Variants in CUX2 observed in about 807,000 individuals in gnomAD.
The protein encoded by CUX2 is homeobox protein cut-like 2.
In CUX2, 40 loss-of-function variants were observed where a neutral mutation model predicts 144.8. The observed-to-expected ratio is 0.28, with a 90% CI of 0.21 to 0.36. The LOEUF is 0.36. CUX2 is among the 10% of genes least tolerant of loss of function. The pLI is 1.00. For missense variants in CUX2, 1,615 were observed against 1,994.0 expected, an observed-to-expected ratio of 0.81 and a Z score of 3.62; for synonymous variants, 827 against 875.6, an observed-to-expected ratio of 0.94 and a Z score of 0.98.
intron 3 of CUX2, among the ~76,000 whole-genome samples, chr12:111,220,955 A>T (rs1223492206): frequency 6.7e-6 from 1 of 150,362 alleles, no homozygotes; most frequent in African/African-American, 2.4e-5. Context: ...AAAAAAAAAA[A>T]AAAAAAGGAA....
At chr12:111,092,949 G>A (rs1432474296) in intron 1 of CUX2, among the ~76,000 whole-genome samples, 1 of 151,668 alleles carries the variant, frequency 6.6e-6, no homozygotes, top group East Asian at 1.9e-4. Context: ...CCGAGTAGCT[G>A]GAACCACAGG....
intron 1 of CUX2, among the ~76,000 whole-genome samples, chr12:111,094,590 T>A (rs978604227): frequency 6.6e-6 from 1 of 152,116 alleles, no homozygotes; most frequent in Non-Finnish European, 1.5e-5. Context: ...CTCAACCCCT[T>A]AGGCTCAAGG....
intron 1 of CUX2, among the ~76,000 whole-genome samples, chr12:111,155,240 C>T (rs1433586671): frequency 6.6e-6 from 1 of 152,156 alleles, no homozygotes; most frequent in Non-Finnish European, 1.5e-5. Context: ...CCTCCATTTT[C>T]CTCATCTGTC....
At position 111,295,751 on chromosome 12, in the gene CUX2, C is replaced by CTAATTAATTAATTAATTAAT. The variant is rs34368745; in HGVS notation, c.637+352_637+371dup. On this transcript the variant is annotated intron_variant, in intron 7 of 21. Coordinates refer to ENST00000261726, the MANE Select transcript of CUX2 (RefSeq NM_015267.4). This position sits in a 1 kb window ranked among gnomAD's most constrained non-coding sequence, Gnocchi z 5.0. Reference sequence around the variant, plus strand: ...TGGGCAACATGGCAAGACCCTGTCTCTAATTAATTAATTAATTAATTAATT... The same window carrying CTAATTAATTAATTAATTAAT: ...TGGGCAACATGGCAAGACCCTGTCTCTAATTAATTAATTAATTAATTAATTAATTAATTAATTAATTAATT... Among the ~76,000 whole-genome samples, 13 of 147,338 alleles carry CTAATTAATTAATTAATTAAT rather than the reference C, an allele frequency of 8.8e-5. No homozygotes were observed. Among genetic ancestry groups the CTAATTAATTAATTAATTAAT allele is most frequent in the East Asian group, 5.6e-4 (2 of 3,548 alleles).
chr12:111,058,549 CAGAG>C (rs141718995), intron 1 of CUX2, among the ~76,000 whole-genome samples: 5 of 148,746 alleles, frequency 3.4e-5, no homozygotes, highest in South Asian at 2.1e-4. Context: ...GAGAGAGAGA[CAGAG>C]AGAGAGAGAG....
chr12:111,214,831 G>T (rs1231275142), intron 2 of CUX2, among the ~76,000 whole-genome samples: 1 of 152,028 alleles, frequency 6.6e-6, no homozygotes. Flanking sequence ...ATTACAGGGA[G>T]CTTGGTGGGG....
At chr12:111,291,576 C>A (rs756650119) in intron 5 of CUX2, 24 bp downstream of exon 5, 2 of 1,557,972 alleles carry the variant, frequency 1.3e-6, no homozygotes, top group East Asian at 4.6e-5. Context: ...CTTCTCGGAG[C>A]GTCTACAATA....
At position 111,287,147 on chromosome 12, in the gene CUX2, C is replaced by A. The variant is rs182677098; in HGVS notation, c.302-4271C>A. Among the ~76,000 whole-genome samples, 475 of 152,356 alleles carry A rather than the reference C, an allele frequency of 3.1e-3. 4 individuals are homozygous for A. Among genetic ancestry groups the A allele is most frequent in the African/African-American group, 0.011 (463 of 41,582 alleles). ...TCCCCAAGACAGAGCACACAGCCAG[C>A]AAGGAATGACCCAGAGGGCCTCGGA... On this transcript the variant is annotated intron_variant, in intron 4 of 21. Coordinates refer to ENST00000261726, the MANE Select transcript of CUX2 (RefSeq NM_015267.4). This position sits in a 1 kb window ranked among gnomAD's most constrained non-coding sequence, Gnocchi z 4.2.
At chr12:111,091,654 G>A (rs565017148) in intron 1 of CUX2, among the ~76,000 whole-genome samples, 63 of 152,312 alleles carry the variant, frequency 4.1e-4, no homozygotes, top group Non-Finnish European at 6.9e-4. Context: ...AACTAAAGGG[G>A]ACTTAAAATA....
Position 111,108,468 on chromosome 12 carries a change from G to A in CUX2, c.63+74228G>A, listed in dbSNP as rs551349010. Reference sequence around the variant, plus strand: ...ATTGCTATGGTGTTTGCCAAATGGTGATTTTCTGTTTCCGTCATTACTTCT... The same window carrying A: ...ATTGCTATGGTGTTTGCCAAATGGTAATTTTCTGTTTCCGTCATTACTTCT... On this transcript the variant is annotated intron_variant, in intron 1 of 21. Coordinates refer to ENST00000261726, the MANE Select transcript of CUX2 (RefSeq NM_015267.4). 8.5e-5 allele frequency among the ~76,000 whole-genome samples: 13 copies of A among 152,302 alleles called. No homozygotes were observed. The East Asian group carries it at 2.5e-3, about 29-fold the overall frequency.
intron 9 of CUX2, among the ~76,000 whole-genome samples, chr12:111,302,691 G>T (rs1006789597): frequency 6.6e-6 from 1 of 151,908 alleles, no homozygotes; most frequent in African/African-American, 2.4e-5. Flanking sequence ...CTTAAGCCCA[G>T]GAGTTAGAGA....
In CUX2 at chr12:111,077,570, T is replaced by C. The variant is rs888564164; in HGVS notation, c.63+43330T>C. Among the ~76,000 whole-genome samples the C allele has an allele frequency of 6.6e-6, 1 of 152,234 alleles. No individual in the cohort carries two copies. The highest frequency in any genetic ancestry group is 2.4e-5 in the African/African-American group (1 of 41,464). On this transcript the variant is annotated intron_variant, in intron 1 of 21. Coordinates refer to ENST00000261726, the MANE Select transcript of CUX2 (RefSeq NM_015267.4). This position sits in a 1 kb window ranked among gnomAD's most constrained non-coding sequence, Gnocchi z 4.1. ...TTGGTTTTCGATGTCAGCAGCTCTC[T>C]TGATAACGTATGAAAGAATCCTATT...
Position 111,320,619 on chromosome 12 carries a change from C to A in CUX2, c.2610C>A (p.Ala870=). 1 of 1,582,762 alleles carries A rather than the reference C, an allele frequency of 6.3e-7. No homozygotes were observed. Among genetic ancestry groups the A allele is most frequent in the Non-Finnish European group, 8.5e-7 (1 of 1,172,628 alleles). ...GCGCGCGGCTGCCCTACTACCCGGC[C>A]TACGTGCCGCGCACCCTGAAGCCCA... The part of the protein sequence containing the change: ...EAGARLPYYP[A]YVPRTLKPTV... Residue 870 remains alanine, a synonymous_variant, in exon 17 of 22, where the codon GCC becomes GCA. Transcript: ENST00000261726. The surrounding 1 kb of genome is among the most constrained non-coding windows in gnomAD (Gnocchi z 8.1).
In CUX2 at chr12:111,328,262, C is replaced by G. The variant is rs140294685; in HGVS notation, c.2926+5682C>G. 8.0e-3 allele frequency among the ~76,000 whole-genome samples: 1,212 copies of G among 152,268 alleles called. 14 individuals carry two copies. The highest frequency in any genetic ancestry group is 0.027 in the African/African-American group (1,133 of 41,528). On this transcript the variant is annotated intron_variant, in intron 18 of 21. Coordinates refer to ENST00000261726, the MANE Select transcript of CUX2 (RefSeq NM_015267.4). The stretch of plus-strand genomic sequence containing the variant: ...GTGGGGCTGGGTGTCAGGACCTGTC[C>G]AAGCCCCGCTTGTGTATGCCCTGGC...
chr12:111,034,813 C>T lies in CUX2; in HGVS notation c.63+573C>T, dbSNP rs1869339987. On this transcript the variant is annotated intron_variant, in intron 1 of 21. Coordinates refer to ENST00000261726, the MANE Select transcript of CUX2 (RefSeq NM_015267.4). The surrounding 1 kb of genome is among the most constrained non-coding windows in gnomAD (Gnocchi z 4.2). ...CCCCGCCGCTCGCCGGCACCTCAGC[C>T]TTCGCCGCCCGCCTGGCTGCGCAGC... Among the ~76,000 whole-genome samples the T allele has an allele frequency of 6.7e-6, 1 of 149,186 alleles. No individual in the cohort carries two copies. Among genetic ancestry groups the T allele is most frequent in the African/African-American group, 2.4e-5 (1 of 41,106 alleles).
chr12:111,069,949 G>A (rs1871189497), intron 1 of CUX2, among the ~76,000 whole-genome samples: 1 of 152,076 alleles, frequency 6.6e-6, no homozygotes, highest in African/African-American at 2.4e-5. Context: ...GTCTCTACAG[G>A]ACCCTAGAGC....
intron 1 of CUX2, among the ~76,000 whole-genome samples, chr12:111,095,163 A>G (rs1872747312): frequency 6.6e-6 from 1 of 152,172 alleles, no homozygotes; most frequent in South Asian, 2.1e-4. Flanking sequence ...AGCTGTGGTT[A>G]AGAGCATGAG....
chr12:111,059,857 G>A lies in CUX2; in HGVS notation c.63+25617G>A, dbSNP rs1347590930. Among the ~76,000 whole-genome samples, 2 of 152,148 alleles carry A rather than the reference G, an allele frequency of 1.3e-5. No homozygotes were observed. On this transcript the variant is annotated intron_variant, in intron 1 of 21. Transcript: ENST00000261726. This position sits in a 1 kb window ranked among gnomAD's most constrained non-coding sequence, Gnocchi z 5.3. Reference sequence around the variant, plus strand: ...CTTTCTCCCCAGCTTACCCCTACCAGACTTAAGCCTGACTTCTGGGGAAGC... The same window carrying A: ...CTTTCTCCCCAGCTTACCCCTACCAAACTTAAGCCTGACTTCTGGGGAAGC...
chr12:111,343,144 C>A (rs1888649297), intron 21 of CUX2, among the ~76,000 whole-genome samples: 1 of 151,834 alleles, frequency 6.6e-6, no homozygotes, highest in South Asian at 2.1e-4. Flanking sequence ...CAGGGTGGAT[C>A]CCTGATTTGG....
Sources: gnomAD v4.1 joint callset for allele counts (sites outside exome capture counted in the v4.1 genomes callset) on GRCh38, gnomAD v4.1.1 for gene constraint, Gnocchi (gnomAD v3.1) non-coding constraint, MANE v1.5 for transcripts, NCBI Gene and HGNC (gene_info 2026-07-23, HGNC 2026-07-21) for gene names.